The following PDE8A variants were observed in gnomAD, a reference collection of about 807,000 sequenced individuals.
PDE8A encodes the protein high affinity cAMP-specific and IBMX-insensitive 3',5'-cyclic phosphodiesterase 8A.
In PDE8A, 59 loss-of-function variants were observed where a neutral mutation model predicts 105.0. The ratio of observed to expected loss-of-function variants is 0.56; its 90% CI spans 0.46 to 0.70. The LOEUF is 0.70. Ranked by LOEUF, PDE8A falls within the 30% of genes least tolerant of loss-of-function variation. The pLI, the probability that PDE8A is intolerant of heterozygous loss-of-function variation, is 0.00. For missense variants in PDE8A, 1,014 were observed against 1,045.9 expected, an observed-to-expected ratio of 0.97 and a Z score of 0.42; for synonymous variants, 355 against 371.9, an observed-to-expected ratio of 0.95 and a Z score of 0.52.
intron 17 of PDE8A, chr15:85,120,455 T>C (rs1285850386): frequency 6.0e-6 from 1 of 166,178 alleles, no homozygotes. Context: ...AAATTGTTTC[T>C]CTCCTTTATT....
At chr15:85,012,708 A>AT (rs2080260793) in intron 1 of PDE8A, among the ~76,000 whole-genome samples, 1 of 151,310 alleles carries the variant, frequency 6.6e-6, no homozygotes, top group Admixed American at 6.6e-5. Context: ...TAATAATAGA[A>AT]TAAAAAAAAA....
chr15:85,056,295 G>A lies in PDE8A; in HGVS notation c.187-8075G>A, dbSNP rs1280966086. 2.0e-5 allele frequency among the ~76,000 whole-genome samples: 3 copies of A among 152,202 alleles called. No individual in the cohort carries two copies. The East Asian group carries it at 5.8e-4, about 29-fold the overall frequency. On this transcript the variant is annotated intron_variant, in intron 1 of 21. Transcript: ENST00000394553. ...TCTGACAATTACGTGTCTTGGAGTT[G>A]CTCTTCTCGAGGAGTATCTTTGTGG...
chr15:85,024,163 C>G (rs1214272424), intron 1 of PDE8A, among the ~76,000 whole-genome samples: 2 of 152,170 alleles, frequency 1.3e-5, no homozygotes, highest in Non-Finnish European at 2.9e-5. Flanking sequence ...CTTGAACCCT[C>G]TGATCCGTCT....
In PDE8A at chr15:85,100,071, G is replaced by A. The variant is rs773407289; in HGVS notation, c.993+5G>A. On this transcript the variant is annotated splice_donor_5th_base_variant and intron_variant, in intron 10 of 21. Coordinates refer to ENST00000394553, the MANE Select transcript of PDE8A (RefSeq NM_002605.3). ...GTGTGCAATGGCAACAATAAGGTAC[G>A]TAAGGAGAGCCCCCCGGGGCCCCAG... 9 of 1,613,540 alleles carry A rather than the reference G, an allele frequency of 5.6e-6. No homozygotes were observed. In the Admixed American group the frequency reaches 6.7e-5, roughly 12 times the overall value.
intron 2 of PDE8A, among the ~76,000 whole-genome samples, chr15:85,066,144 AAC>A (rs1338114663): frequency 6.6e-6 from 1 of 152,230 alleles, no homozygotes; most frequent in Non-Finnish European, 1.5e-5. Flanking sequence ...ACCATCTGAG[AAC>A]TTACCCAGTT....
intron 1 of PDE8A, among the ~76,000 whole-genome samples, chr15:85,047,433 GA>G (rs756384137): frequency 2.6e-5 from 4 of 152,128 alleles, no homozygotes; most frequent in Admixed American, 6.5e-5. Flanking sequence ...CGGCTGTTAG[GA>G]GACTCTGCTC....
At chr15:85,042,931 C>G (rs2080833051) in intron 1 of PDE8A, among the ~76,000 whole-genome samples, 1 of 152,192 alleles carries the variant, frequency 6.6e-6, no homozygotes. Flanking sequence ...GTGGGTGATT[C>G]TAGATAATTC....
At chr15:85,076,705 C>G in intron 4 of PDE8A, 28 bp from the exon 5 acceptor site, 1 of 1,435,618 alleles carries the variant, frequency 7.0e-7, no homozygotes, top group Non-Finnish European at 9.8e-7. Flanking sequence ...AAAACTATGT[C>G]TATGTTCTTT....
intron 5 of PDE8A, among the ~76,000 whole-genome samples, chr15:85,080,433 G>A (rs2081446369): frequency 6.6e-6 from 1 of 152,152 alleles, no homozygotes; most frequent in Admixed American, 6.5e-5. Context: ...CGCAAAACTG[G>A]CTATTCCTTT....
chr15:85,100,596 C>T (rs1202145829), intron 11 of PDE8A, among the ~76,000 whole-genome samples: 1 of 152,270 alleles, frequency 6.6e-6, no homozygotes, highest in Non-Finnish European at 1.5e-5. Flanking sequence ...AGGCCCCTCG[C>T]ACTTGCCTCA....
chr15:85,044,163 G>T (rs1367505910), intron 1 of PDE8A, among the ~76,000 whole-genome samples: 1 of 152,132 alleles, frequency 6.6e-6, no homozygotes, highest in Non-Finnish European at 1.5e-5. Context: ...CAGGCATTGT[G>T]GTAACTACTT....
intron 5 of PDE8A, among the ~76,000 whole-genome samples, chr15:85,080,334 G>A (rs971337651): frequency 6.6e-6 from 1 of 152,124 alleles, no homozygotes; most frequent in African/African-American, 2.4e-5. Context: ...TACTTAGCCA[G>A]CAGTAAGGCG....
At chr15:85,027,548 G>A (rs1475803470) in intron 1 of PDE8A, among the ~76,000 whole-genome samples, 2 of 152,130 alleles carry the variant, frequency 1.3e-5, no homozygotes, top group African/African-American at 2.4e-5. Context: ...GACTTACTGC[G>A]TTTAGTTATT....
At chr15:85,073,334 G>A (rs2081339182) in intron 3 of PDE8A, among the ~76,000 whole-genome samples, 1 of 152,138 alleles carries the variant, frequency 6.6e-6, no homozygotes, top group Non-Finnish European at 1.5e-5. Flanking sequence ...TGACATTTCT[G>A]TTTTCTAGCC....
intron 1 of PDE8A, among the ~76,000 whole-genome samples, chr15:85,027,656 C>T (rs905251657): frequency 5.9e-5 from 9 of 152,098 alleles, no homozygotes; most frequent in African/African-American, 2.2e-4. Flanking sequence ...GGGAATAGTG[C>T]GATTAAATGG....
chr15:85,011,251 C>T (rs1056613202), intron 1 of PDE8A, among the ~76,000 whole-genome samples: 4 of 152,144 alleles, frequency 2.6e-5, no homozygotes, highest in East Asian at 1.9e-4. Context: ...AGTAGGAAGA[C>T]GAATTGAAGA....
intron 3 of PDE8A, among the ~76,000 whole-genome samples, chr15:85,070,404 T>C (rs555054264): frequency 2.2e-4 from 33 of 152,330 alleles, no homozygotes; most frequent in African/African-American, 7.7e-4. Flanking sequence ...GCTTCTTGTC[T>C]CTGAGGAGCT....
chr15:84,981,945 C>A lies in PDE8A; in HGVS notation c.-218C>A. 1 of 272,606 alleles carries A rather than the reference C, an allele frequency of 3.7e-6. No homozygotes were observed. The highest frequency in any genetic ancestry group is 6.8e-6 in the Non-Finnish European group (1 of 147,014). The allele number at this position is 272,606 out of a possible 1,614,324, so 16.9% of individuals were successfully genotyped here. A position where few individuals can be genotyped will look rare whatever the true frequency, so the allele number is the denominator to read the frequency against. On this transcript the variant is annotated 5_prime_UTR_variant, in exon 1 of 22. Transcript: ENST00000394553. ...TCGGAGGGGCGGCCTCGGCACGCCACCCGCCTAAGCGCCCCCTTCCCACCG... is the reference window on the plus strand; with the variant it reads ...TCGGAGGGGCGGCCTCGGCACGCCAACCGCCTAAGCGCCCCCTTCCCACCG...
At chr15:85,114,887 A>G (rs2082071692) in intron 14 of PDE8A, among the ~76,000 whole-genome samples, 1 of 152,070 alleles carries the variant, frequency 6.6e-6, no homozygotes, top group Non-Finnish European at 1.5e-5. Flanking sequence ...TAGCCACAGG[A>G]CTGGAGAAAA....
Sources: allele counts gnomAD v4.1 joint callset (sites outside exome capture counted in the v4.1 genomes callset), GRCh38; gene constraint gnomAD v4.1.1; transcripts MANE v1.5; gene names NCBI Gene and HGNC (gene_info 2026-07-23, HGNC 2026-07-21).